The following PARVB variants were observed in gnomAD, a reference collection of about 807,000 sequenced individuals.
PARVB encodes parvin beta, also known as beta-parvin.
A neutral mutation model predicts 47.0 loss-of-function variants in PARVB; 46 were observed. That is an observed-to-expected ratio of 0.98 (90% confidence interval 0.77 to 1.25). The LOEUF is 1.25. Among genes scored for constraint, PARVB ranks in the 50% most tolerant of loss-of-function variants. The pLI is 0.00. For missense variants in PARVB, 473 were observed against 471.6 expected (o/e 1.00, Z -0.03); for synonymous variants, 196 against 196.3 (o/e 1.00, Z 0.01).
At chr22:44,025,585 A>C (rs748794343) in intron 1 of PARVB, among the ~76,000 whole-genome samples, 4 of 152,164 alleles carry the variant, frequency 2.6e-5, no homozygotes, top group Non-Finnish European at 5.9e-5. Flanking sequence ...CCAAGAGGGC[A>C]GGGTCTTGTC....
At chr22:44,071,531 C>T (rs924614816) in intron 1 of PARVB, among the ~76,000 whole-genome samples, 3 of 152,290 alleles carry the variant, frequency 2.0e-5, no homozygotes, top group Middle Eastern at 3.4e-3. Flanking sequence ...TCATTGGGAT[C>T]ACCCCCTCCA....
chr22:44,055,678 CTA>C (rs3083346), intron 1 of PARVB, among the ~76,000 whole-genome samples: 8,359 of 142,648 alleles, frequency 0.059, 304 homozygotes, highest in Middle Eastern at 0.11. Flanking sequence ...CTCTCTCTCT[CTA>C]TATATATATA....
chr22:44,165,790 G>T (rs1601711691), intron 12 of PARVB, among the ~76,000 whole-genome samples: 1 of 152,234 alleles, frequency 6.6e-6, no homozygotes, highest in Non-Finnish European at 1.5e-5. Flanking sequence ...GAGCCTGACT[G>T]CTCCTGAGCA....
intron 3 of PARVB, chr22:44,115,521 T>TACA (rs1331412363): frequency 3.5e-5 from 1 of 28,296 alleles, no homozygotes; most frequent in African/African-American, 3.8e-4. Flanking sequence ...GGATACATTG[T>TACA]TACTAAGTAA....
rs933740975 is a variant in PARVB at position 44,172,321 on chromosome 22, C to T, written c.*3643C>T. 6.6e-6 allele frequency: 1 copy of T among 152,350 alleles called. No homozygotes were observed. The highest frequency in any genetic ancestry group is 2.4e-5 in the African/African-American group (1 of 41,442). 9.4% of individuals were successfully genotyped at this position (152,350 alleles called of 1,614,324 possible). A position where few individuals can be genotyped will look rare whatever the true frequency, so the allele number is the denominator to read the frequency against. ...CTGGGACCCTTCCTCCTCCCGGCAC[C>T]ACGTTTTCAGTGAATGGTTCTTTGA... On this transcript the variant is annotated 3_prime_UTR_variant, in exon 13 of 13. Transcript: ENST00000338758.
At chr22:44,070,491 G>A (rs1235780751) in intron 1 of PARVB, among the ~76,000 whole-genome samples, 1 of 152,232 alleles carries the variant, frequency 6.6e-6, no homozygotes, top group Non-Finnish European at 1.5e-5. Context: ...CTGGGACGCA[G>A]ATGAACAAGA....
chr22:44,138,252 G>T (rs1378537676), intron 7 of PARVB, among the ~76,000 whole-genome samples: 1 of 152,196 alleles, frequency 6.6e-6, no homozygotes, highest in Non-Finnish European at 1.5e-5. Context: ...TAACACAGGG[G>T]CTTGTGGGAA....
chr22:44,090,324 C>G (rs529232544), intron 1 of PARVB, among the ~76,000 whole-genome samples: 1 of 152,242 alleles, frequency 6.6e-6, no homozygotes, highest in Admixed American at 6.5e-5. Context: ...GTCCCCGAAG[C>G]CTTTGCTTCC....
Position 44,155,323 on chromosome 22 carries a change from C to T in PARVB, c.844-2659C>T, listed in dbSNP as rs2053908015. 6.6e-6 allele frequency among the ~76,000 whole-genome samples: 1 copy of T among 152,044 alleles called. No individual in the cohort carries two copies. The highest frequency in any genetic ancestry group is 2.1e-4 in the South Asian group (1 of 4,818). On this transcript the variant is annotated intron_variant, in intron 10 of 12. Coordinates refer to ENST00000338758, the MANE Select transcript of PARVB (RefSeq NM_013327.5). The surrounding 1 kb of genome is among the most constrained non-coding windows in gnomAD (Gnocchi z 4.8). ...GGCGGTGGTGGGGCCTCTGGGCCTC[C>T]GTGGGGATTCTGCTCCCTGCTGAGC... is the stretch of plus-strand genomic sequence containing the variant.
At chr22:44,140,023 AG>A (rs374752602) in intron 7 of PARVB, 100 bp from the exon 8 acceptor site, 1 of 142,002 alleles carries the variant, frequency 7.0e-6, no homozygotes, top group Non-Finnish European at 1.1e-5. Context: ...GCGAGGGCCC[AG>A]CTTTCTGGCT....
At chr22:44,017,095 G>C (rs564967076) in intron 2 of PARVB, among the ~76,000 whole-genome samples, 1 of 151,934 alleles carries the variant, frequency 6.6e-6, no homozygotes, top group Non-Finnish European at 1.5e-5. Flanking sequence ...GGCTGGTCTC[G>C]AACTCCTGAC....
In PARVB at chr22:44,068,868, A is replaced by G. The variant is rs553621254; in HGVS notation, c.113-25060A>G. ...CGCGCCCTTCCTTCCTTCTTTGTGCATGGGGGTTTTCCTGGGGAGCAGTTG... is the reference window on the plus strand; with the variant it reads ...CGCGCCCTTCCTTCCTTCTTTGTGCGTGGGGGTTTTCCTGGGGAGCAGTTG... On this transcript the variant is annotated intron_variant, in intron 1 of 12. Transcript: ENST00000338758. The surrounding 1 kb of genome is among the most constrained non-coding windows in gnomAD (Gnocchi z 4.1). Among the ~76,000 whole-genome samples, 103 of 152,226 alleles carry G rather than the reference A, an allele frequency of 6.8e-4. 2 individuals carry two copies. In the South Asian group the frequency reaches 0.017, roughly 25 times the overall value.
At chr22:44,140,986 G>A (rs549414070) in intron 8 of PARVB, 1 of 167,726 alleles carries the variant, frequency 6.0e-6, no homozygotes, top group South Asian at 1.6e-4. Flanking sequence ...TTGACCCCCA[G>A]ATACCCTGTT....
At chr22:44,005,014 T>C (rs1044245218) in intron 2 of PARVB, among the ~76,000 whole-genome samples, 6 of 152,212 alleles carry the variant, frequency 3.9e-5, no homozygotes, top group Admixed American at 3.9e-4. Context: ...CTTATGAGCC[T>C]TGAAAACAGA....
In PARVB at chr22:44,004,114, C is replaced by T. The variant is rs190265838; in HGVS notation, c.211+4441C>T. ...TCTGGTCAGAGAAAATAAGTTCCAC[C>T]TTTTCTGAGCTTGAGTGAGAAAAAA... On this transcript the variant is annotated intron_variant, in intron 2 of 13. Transcript: ENST00000406477. Among the ~76,000 whole-genome samples the T allele has an allele frequency of 7.6e-4, 115 of 152,254 alleles. 1 individual carries two copies. The highest frequency in any genetic ancestry group is 2.6e-3 in the African/African-American group (110 of 41,550).
chr22:44,073,876 C>T (rs1004429883), intron 1 of PARVB, among the ~76,000 whole-genome samples: 1 of 152,208 alleles, frequency 6.6e-6, no homozygotes, highest in Non-Finnish European at 1.5e-5. Context: ...AACAGATGAG[C>T]GAGCATGATT....
chr22:44,039,004 T>C (rs1401394635), intron 1 of PARVB, among the ~76,000 whole-genome samples: 1 of 152,050 alleles, frequency 6.6e-6, no homozygotes, highest in East Asian at 1.9e-4. Flanking sequence ...CCAATATGCA[T>C]CTGGAAAAGT....
At chr22:44,136,426 G>C (rs199850245) in intron 6 of PARVB, 34 bp from the exon 7 acceptor site, 3 of 1,603,318 alleles carry the variant, frequency 1.9e-6, no homozygotes, top group Non-Finnish European at 2.6e-6. Context: ...ACTCTCCACT[G>C]CCTGATTTTG....
chr22:44,119,736 T>C, intron 4 of PARVB: 1 of 518,526 alleles, frequency 1.9e-6, no homozygotes, highest in Non-Finnish European at 4.0e-6. Flanking sequence ...GTGGTCCCTG[T>C]CCTCAGAACT....
Sources: gnomAD v4.1 joint callset for allele counts (sites outside exome capture counted in the v4.1 genomes callset) on GRCh38, gnomAD v4.1.1 for gene constraint, Gnocchi (gnomAD v3.1) non-coding constraint, MANE v1.5 for transcripts, NCBI Gene and HGNC (gene_info 2026-07-23, HGNC 2026-07-21) for gene names.